Variants in CNOT4 observed in about 807,000 individuals in gnomAD.
The protein encoded by CNOT4 is CCR4-NOT transcription complex subunit 4.
Under a neutral mutation model 73.8 loss-of-function variants are expected in CNOT4, and 8 were observed. The observed-to-expected ratio is 0.11, with a 90% CI of 0.06 to 0.20. The LOEUF is 0.20. Among genes scored for constraint, CNOT4 ranks in the 10% least tolerant of loss-of-function variants. The pLI, the probability that CNOT4 is intolerant of heterozygous loss-of-function variation, is 1.00. For missense variants in CNOT4, 564 were observed against 883.4 expected (o/e 0.64, Z 4.58); for synonymous variants, 293 against 321.1 (o/e 0.91, Z 0.94).
intron 1 of CNOT4, among the ~76,000 whole-genome samples, chr7:135,468,748 T>C (rs1383167163): frequency 6.6e-6 from 1 of 152,108 alleles, no homozygotes; most frequent in Non-Finnish European, 1.5e-5. Flanking sequence ...AGAGTACCTA[T>C]TGGTATGTTT....
At chr7:135,463,411 G>A (rs1030519447) in intron 1 of CNOT4, among the ~76,000 whole-genome samples, 6 of 151,894 alleles carry the variant, frequency 4.0e-5, no homozygotes, top group Middle Eastern at 3.4e-3. Flanking sequence ...TGTGGCAGGC[G>A]CCTGTAATCT....
intron 1 of CNOT4, among the ~76,000 whole-genome samples, chr7:135,496,894 T>C (rs748597905): frequency 1.3e-4 from 19 of 151,934 alleles, no homozygotes; most frequent in Non-Finnish European, 2.2e-4. Context: ...GCAGCCTCGA[T>C]CTATCAAGCT....
intron 1 of CNOT4, among the ~76,000 whole-genome samples, chr7:135,475,974 T>C (rs922500936): frequency 4.6e-5 from 7 of 152,250 alleles, no homozygotes; most frequent in Middle Eastern, 3.4e-3. Flanking sequence ...AGTTGCTATG[T>C]AGAAAATTGA....
intron 1 of CNOT4, among the ~76,000 whole-genome samples, chr7:135,488,257 G>C (rs937079280): frequency 9.9e-5 from 15 of 152,078 alleles, no homozygotes; most frequent in African/African-American, 3.6e-4. Flanking sequence ...CACCTCCCAG[G>C]TTCAAGCGAT....
At chr7:135,391,747 T>C (rs1796412769) in intron 10 of CNOT4, among the ~76,000 whole-genome samples, 2 of 152,050 alleles carry the variant, frequency 1.3e-5, no homozygotes, top group East Asian at 1.9e-4. Context: ...AGAATAACTA[T>C]TGGTTTGAAA....
chr7:135,495,228 G>A (rs1585732502), intron 1 of CNOT4, among the ~76,000 whole-genome samples: 1 of 152,130 alleles, frequency 6.6e-6, no homozygotes, highest in South Asian at 2.1e-4. Flanking sequence ...ACCAAAATAC[G>A]AAAAGTTGGC....
At chr7:135,469,660 T>C (rs1801449314) in intron 1 of CNOT4, among the ~76,000 whole-genome samples, 1 of 152,170 alleles carries the variant, frequency 6.6e-6, no homozygotes, top group Non-Finnish European at 1.5e-5. Context: ...ATCACTATGG[T>C]CCAGGGGAAA....
chr7:135,484,279 C>G (rs1445928281), intron 1 of CNOT4, among the ~76,000 whole-genome samples: 1 of 152,072 alleles, frequency 6.6e-6, no homozygotes, highest in Non-Finnish European at 1.5e-5. Flanking sequence ...TGGCTGTTCT[C>G]ACCAATCTTA....
At chr7:135,402,307 G>A (rs1174492164) in intron 7 of CNOT4, among the ~76,000 whole-genome samples, 2 of 151,668 alleles carry the variant, frequency 1.3e-5, no homozygotes, top group Non-Finnish European at 1.5e-5. Context: ...GTGGGGTTTC[G>A]CCATGTTGGC....
In CNOT4 at chr7:135,510,094, G is replaced by A. The variant is rs1443975827; in HGVS notation, c.-298C>T. ...GGGCCACCATCTTACATTAGGGTAA[G>A]ACTCCTCCGGCCTCCCGTGCGCAGG... On this transcript the variant is annotated 5_prime_UTR_variant, in exon 1 of 12. Transcript: ENST00000541284. 1.3e-5 allele frequency: 5 copies of A among 398,960 alleles called. No individual in the cohort carries two copies. The highest frequency in any genetic ancestry group is 4.4e-6 in the Non-Finnish European group (1 of 226,110). 24.7% of individuals were successfully genotyped at this position (398,960 alleles called of 1,614,324 possible). A position where few individuals can be genotyped will look rare whatever the true frequency, so the allele number is the denominator to read the frequency against.
intron 3 of CNOT4, among the ~76,000 whole-genome samples, chr7:135,417,757 C>T (rs1267785034): frequency 2.6e-5 from 4 of 152,248 alleles, no homozygotes; most frequent in African/African-American, 9.6e-5. Flanking sequence ...GATCCATTAC[C>T]ACTTACCTTG....
intron 1 of CNOT4, among the ~76,000 whole-genome samples, chr7:135,472,332 C>A (rs1197153809): frequency 1.3e-5 from 2 of 148,820 alleles, no homozygotes; most frequent in African/African-American, 5.0e-5. Flanking sequence ...AAAAAATTAG[C>A]CAGGCGTGGT....
chr7:135,393,948 T>G lies in CNOT4; in HGVS notation c.1597A>C (p.Asn533His). The G allele has an allele frequency of 6.2e-7, 1 of 1,613,490 alleles. No individual in the cohort carries two copies. Residue 533 changes from asparagine to histidine, a missense_variant, in exon 10 of 12, where the codon AAC becomes CAC. Transcript: ENST00000541284. Reference protein sequence around the residue: ...FLDLNLPPQHNTGLGGIPVAD... With the variant: ...FLDLNLPPQHHTGLGGIPVAD... ...ACAGGGATCCCTCCCAGACCTGTGT[T>G]GTGCTGTGGCGGGAGATTCAAGTCC...
intron 6 of CNOT4, among the ~76,000 whole-genome samples, chr7:135,413,275 A>G (rs560107553): frequency 6.6e-6 from 1 of 152,108 alleles, no homozygotes; most frequent in Admixed American, 6.6e-5. Context: ...TTAATCTAGC[A>G]TTTCAAACTT....
chr7:135,390,988 A>G (rs768544107), intron 10 of CNOT4, among the ~76,000 whole-genome samples: 27 of 152,164 alleles, frequency 1.8e-4, no homozygotes, highest in Non-Finnish European at 3.4e-4. Flanking sequence ...TGTGTAAGGT[A>G]TCATGATAAC....
chr7:135,376,627 G>A (rs1257450742), intron 10 of CNOT4, among the ~76,000 whole-genome samples: 1 of 152,132 alleles, frequency 6.6e-6, no homozygotes, highest in Admixed American at 6.5e-5. Context: ...CAAATTAAAA[G>A]ACTTCCAAGT....
In CNOT4 at chr7:135,438,101, C is replaced by T. The variant is rs565418242; in HGVS notation, c.174+57G>A. On this transcript the variant is annotated intron_variant, in intron 2 of 11. Coordinates refer to ENST00000541284, the MANE Select transcript of CNOT4 (RefSeq NM_001190850.2). The stretch of plus-strand genomic sequence containing the variant: ...TAAATTCACTTGCTCATATACATGG[C>T]AGCAAAAAACTATACAATTAAAACA... The T allele has an allele frequency of 1.2e-5, 11 of 921,604 alleles. No homozygotes were observed. The East Asian group carries it at 2.2e-4, about 18-fold the overall frequency. The allele number at this position is 921,604 out of a possible 1,614,324, so 57.1% of individuals were successfully genotyped here.
chr7:135,408,391 C>T (rs1160224732), intron 7 of CNOT4, among the ~76,000 whole-genome samples: 2 of 152,058 alleles, frequency 1.3e-5, no homozygotes, highest in Non-Finnish European at 2.9e-5. Flanking sequence ...AACCAAGGTA[C>T]TCTGTGTATA....
At chr7:135,498,560 T>C (rs1307633342) in intron 1 of CNOT4, among the ~76,000 whole-genome samples, 1 of 152,220 alleles carries the variant, frequency 6.6e-6, no homozygotes, top group Non-Finnish European at 1.5e-5. Context: ...TTTGTTTGTT[T>C]GTTTTTGAGA....
Sources: gnomAD v4.1 joint callset for allele counts (sites outside exome capture counted in the v4.1 genomes callset) on GRCh38, gnomAD v4.1.1 for gene constraint, MANE v1.5 for transcripts, NCBI Gene and HGNC (gene_info 2026-07-23, HGNC 2026-07-21) for gene names.